SLC25A21: variants seen among roughly 807,000 people sequenced by gnomAD.
The protein encoded by SLC25A21 is solute carrier family 25 member 21, also known as mitochondrial 2-oxodicarboxylate carrier.
A neutral mutation model predicts 43.8 loss-of-function variants in SLC25A21; 47 were observed. The ratio of observed to expected loss-of-function variants is 1.07; its 90% CI spans 0.85 to 1.37. The LOEUF is 1.37. Among genes scored for constraint, SLC25A21 ranks in the 40% most tolerant of loss-of-function variants. The pLI is 0.00. For synonymous variants in SLC25A21, 131 were observed against 121.3 expected (o/e 1.08, Z -0.52); for missense variants, 352 against 350.2 (o/e 1.00, Z -0.04).
At chr14:37,167,767 T>G (rs1964054417) in intron 1 of SLC25A21, among the ~76,000 whole-genome samples, 1 of 151,954 alleles carries the variant, frequency 6.6e-6, no homozygotes, top group African/African-American at 2.4e-5. Context: ...TGGCATCACC[T>G]AGATCTAACT....
At chr14:36,899,294 A>G (rs2138595232) in intron 1 of SLC25A21, among the ~76,000 whole-genome samples, 1 of 152,340 alleles carries the variant, frequency 6.6e-6, no homozygotes, top group Middle Eastern at 3.4e-3. Context: ...GTTTAAGTAG[A>G]GTTCAACATC....
chr14:36,814,483 A>G (rs1176158839), intron 2 of SLC25A21, among the ~76,000 whole-genome samples: 1 of 152,188 alleles, frequency 6.6e-6, no homozygotes, highest in Non-Finnish European at 1.5e-5. Context: ...AGAAAATACC[A>G]AACAACCCCA....
In SLC25A21 at chr14:37,098,802, TAG is replaced by T. The variant is rs1443057420; in HGVS notation, c.70+73477_70+73478del. Among the ~76,000 whole-genome samples, 38 of 63,334 alleles carry T rather than the reference TAG, an allele frequency of 6.0e-4. 1 individual carries two copies. In the Admixed American group the frequency reaches 7.0e-3, roughly 12 times the overall value. 41.5% of individuals were successfully genotyped at this position (63,334 alleles called of 152,430 possible). A position where few individuals can be genotyped will look rare whatever the true frequency, so the allele number is the denominator to read the frequency against. On this transcript the variant is annotated intron_variant, in intron 1 of 9. Coordinates refer to ENST00000331299, the MANE Select transcript of SLC25A21 (RefSeq NM_030631.4). ...ACAGACAGACAGATAGATAGATAGA[TAG>T]ATTTTTTTTTTTTTTTGAGACAAAG... is the stretch of plus-strand genomic sequence containing the variant.
intron 1 of SLC25A21, among the ~76,000 whole-genome samples, chr14:37,008,773 A>G (rs1960665282): frequency 6.6e-6 from 1 of 152,110 alleles, no homozygotes; most frequent in Non-Finnish European, 1.5e-5. Context: ...TTTTTCTCTG[A>G]AGTTTTATGT....
intron 6 of SLC25A21, 130 bp from the exon 7 acceptor site, chr14:36,711,612 C>T: frequency 1.0e-6 from 1 of 980,232 alleles, no homozygotes; most frequent in South Asian, 2.6e-5. Context: ...ATAATCATGC[C>T]TAGAACTGTG....
chr14:36,769,630 A>G (rs1393518243), intron 3 of SLC25A21, among the ~76,000 whole-genome samples: 1 of 152,078 alleles, frequency 6.6e-6, no homozygotes, highest in Non-Finnish European at 1.5e-5. Context: ...GCATGTTTAC[A>G]TTTTTCTCCT....
At chr14:36,746,125 G>A (rs115452761) in intron 3 of SLC25A21, among the ~76,000 whole-genome samples, 2,167 of 152,102 alleles carry the variant, frequency 0.014, 42 homozygotes, top group African/African-American at 0.048. Context: ...GGAAAAAAAA[G>A]CATCATATCA....
chr14:37,065,138 G>A (rs1962033536), intron 1 of SLC25A21, among the ~76,000 whole-genome samples: 1 of 152,182 alleles, frequency 6.6e-6, no homozygotes, highest in Non-Finnish European at 1.5e-5. Context: ...TTGGGGAAAG[G>A]ATTTGTTCAG....
chr14:36,907,534 G>A (rs1020359666), intron 1 of SLC25A21, among the ~76,000 whole-genome samples: 1 of 152,028 alleles, frequency 6.6e-6, no homozygotes, highest in African/African-American at 2.4e-5. Flanking sequence ...ATCTACAAAC[G>A]TACTAAAAAT....
intron 2 of SLC25A21, among the ~76,000 whole-genome samples, chr14:36,834,874 A>AAAC (rs1889155668): frequency 6.6e-6 from 1 of 152,220 alleles, no homozygotes; most frequent in Non-Finnish European, 1.5e-5. Flanking sequence ...AGAATAGCAT[A>AAAC]AACACAAGTA....
chr14:36,927,665 T>A (rs1221487248), intron 1 of SLC25A21, among the ~76,000 whole-genome samples: 1 of 152,160 alleles, frequency 6.6e-6, no homozygotes, highest in Non-Finnish European at 1.5e-5. Context: ...TCTACTAATG[T>A]GGAGAGTCAA....
chr14:36,705,398 G>C (rs1239509338), intron 7 of SLC25A21, among the ~76,000 whole-genome samples: 1 of 152,150 alleles, frequency 6.6e-6, no homozygotes, highest in Non-Finnish European at 1.5e-5. Flanking sequence ...TTAGAATTAA[G>C]TAAATGTGAA....
At chr14:37,000,321 C>T (rs1038068595) in intron 1 of SLC25A21, among the ~76,000 whole-genome samples, 8 of 152,114 alleles carry the variant, frequency 5.3e-5, no homozygotes, top group Non-Finnish European at 1.2e-4. Context: ...TAAATATTCC[C>T]CCGTTTTCTC....
chr14:36,902,383 C>A (rs1806215836), intron 1 of SLC25A21, among the ~76,000 whole-genome samples: 1 of 152,086 alleles, frequency 6.6e-6, no homozygotes. Flanking sequence ...TAGCTCTACT[C>A]TGGTGGCTAG....
intron 2 of SLC25A21, among the ~76,000 whole-genome samples, chr14:36,867,855 C>T (rs924135551): frequency 1.3e-5 from 2 of 150,748 alleles, no homozygotes; most frequent in African/African-American, 4.9e-5. Flanking sequence ...AATGTGGATG[C>T]CATTATTGCT....
intron 1 of SLC25A21, among the ~76,000 whole-genome samples, chr14:37,021,121 A>G (rs1960976324): frequency 6.6e-6 from 1 of 151,946 alleles, no homozygotes; most frequent in African/African-American, 2.4e-5. Flanking sequence ...AGCCAGTGTT[A>G]TAGTTTGATT....
chr14:36,862,929 A>G (rs1890114661), intron 2 of SLC25A21, among the ~76,000 whole-genome samples: 1 of 152,150 alleles, frequency 6.6e-6, no homozygotes, highest in Admixed American at 6.6e-5. Flanking sequence ...AGCTTAGGCA[A>G]ACTATCTCAT....
chr14:36,702,463 A>T (rs1045420689), intron 7 of SLC25A21, among the ~76,000 whole-genome samples: 4 of 126,368 alleles, frequency 3.2e-5, no homozygotes, highest in Admixed American at 8.9e-5. Flanking sequence ...ACACAGGGAG[A>T]TCCTGTCTCC....
At position 36,689,472 on chromosome 14, in the gene SLC25A21, C is replaced by T. The variant is rs188792667; in HGVS notation, c.604-4547G>A. On this transcript the variant is annotated intron_variant, in intron 7 of 9. Coordinates refer to ENST00000331299, the MANE Select transcript of SLC25A21 (RefSeq NM_030631.4). Reference sequence around the variant, plus strand: ...AAAGCTTGAAAACAATTTCACGAGACGATTTTCCCTACCAATATGTTTATG... The same window carrying T: ...AAAGCTTGAAAACAATTTCACGAGATGATTTTCCCTACCAATATGTTTATG... Among the ~76,000 whole-genome samples the T allele has an allele frequency of 3.9e-5, 6 of 152,216 alleles. No individual in the cohort carries two copies. The East Asian group carries it at 5.8e-4, about 15-fold the overall frequency.
Sources: gnomAD v4.1 joint callset for allele counts (sites outside exome capture counted in the v4.1 genomes callset) on GRCh38, gnomAD v4.1.1 for gene constraint, MANE v1.5 for transcripts, NCBI Gene and HGNC (gene_info 2026-07-23, HGNC 2026-07-21) for gene names.